DHRS7C: variants seen among roughly 807,000 people sequenced by gnomAD.
DHRS7C encodes dehydrogenase/reductase SDR family member 7C.
Under a neutral mutation model 29.6 loss-of-function variants are expected in DHRS7C, and 28 were observed. That is an observed-to-expected ratio of 0.95 (90% CI 0.70 to 1.30). The LOEUF (loss-of-function observed/expected upper bound fraction) is 1.30, where lower values mean the gene tolerates loss of function less well. DHRS7C is among the 50% of genes most tolerant of loss of function. The pLI is 0.00. For missense variants in DHRS7C, 403 were observed against 393.3 expected, an observed-to-expected ratio of 1.02 and a Z score of -0.21; for synonymous variants, 158 against 160.2, an observed-to-expected ratio of 0.99 and a Z score of 0.10.
intron 5 of DHRS7C, 98 bp from the exon 6 acceptor site, chr17:9,771,794 G>T: frequency 8.3e-7 from 1 of 1,206,242 alleles, no homozygotes; most frequent in Non-Finnish European, 1.1e-6. Context: ...CGGGAAGCGT[G>T]GGCTGTCCCC....
intron 1 of DHRS7C, among the ~76,000 whole-genome samples, chr17:9,783,404 G>T (rs571993385): frequency 2.6e-5 from 4 of 152,234 alleles, no homozygotes; most frequent in African/African-American, 9.6e-5. Flanking sequence ...CAGTAAATCA[G>T]GATCCCAACG....
intron 1 of DHRS7C, 143 bp from the exon 2 acceptor site, chr17:9,781,737 T>C: frequency 1.4e-6 from 1 of 704,826 alleles, no homozygotes; most frequent in Non-Finnish European, 2.3e-6. Context: ...TTCATTGAAC[T>C]CCCTCCCCGG....
intron 1 of DHRS7C, among the ~76,000 whole-genome samples, chr17:9,786,181 G>T (rs1056183604): frequency 4.0e-5 from 6 of 151,848 alleles, no homozygotes; most frequent in Non-Finnish European, 8.8e-5. Flanking sequence ...AAAAATATTA[G>T]CCGGGCATGG....
chr17:9,783,936 G>GT (rs11409360), intron 1 of DHRS7C, among the ~76,000 whole-genome samples: 42,068 of 145,658 alleles, frequency 0.29, 7,679 homozygotes, highest in Middle Eastern at 0.49. Flanking sequence ...GTGAGACTCT[G>GT]TTTTTTTTTT....
intron 1 of DHRS7C, among the ~76,000 whole-genome samples, chr17:9,788,214 AT>A (rs1209749692): frequency 6.6e-6 from 1 of 151,834 alleles, no homozygotes; most frequent in African/African-American, 2.4e-5. Flanking sequence ...AAATAAATAA[AT>A]TAATTTTTTG....
intron 1 of DHRS7C, among the ~76,000 whole-genome samples, chr17:9,787,613 A>G (rs1030268377): frequency 6.6e-6 from 1 of 152,218 alleles, no homozygotes; most frequent in African/African-American, 2.4e-5. Flanking sequence ...TTCAATAAGC[A>G]TAAATTGAGC....
intron 5 of DHRS7C, 143 bp from the exon 6 acceptor site, chr17:9,771,839 C>T (rs1295044981): frequency 2.6e-6 from 2 of 778,320 alleles, no homozygotes; most frequent in East Asian, 3.3e-5. Flanking sequence ...CCGCCACCCG[C>T]GGACCGCGGC....
chr17:9,783,764 G>A (rs1022693472), intron 1 of DHRS7C, among the ~76,000 whole-genome samples: 12 of 151,984 alleles, frequency 7.9e-5, no homozygotes, highest in African/African-American at 2.7e-4. Flanking sequence ...TCAGGAGTTG[G>A]AGACCAGCCT....
At chr17:9,783,241 A>C (rs903871990) in intron 1 of DHRS7C, among the ~76,000 whole-genome samples, 3 of 152,312 alleles carry the variant, frequency 2.0e-5, no homozygotes, top group Admixed American at 2.0e-4. Context: ...TCCAGAAGTA[A>C]CTGGGTTAAC....
rs774255168 is a variant in DHRS7C, at chr17:9,771,631, C to T, written c.793G>A (p.Val265Met). The stretch of plus-strand genomic sequence containing the variant: ...AACACCTCTTGCTTCTTCCTCCGCA[C>T]GGTGCGCATCACCTCCTCCGCCACC... ...VEVAEEVMRT[V>M]RRKKQEVFMA... Residue 265 changes from valine (V) to methionine (M), a missense_variant, in exon 6 of 6, where the codon GTG becomes ATG. Physicochemically the swap from Val to Met is conservative, Grantham distance 21. Coordinates refer to ENST00000571134, the MANE Select transcript of DHRS7C (RefSeq NM_001105571.3). 1.3e-6 allele frequency: 2 copies of T among 1,595,028 alleles called. No homozygotes were observed. Among genetic ancestry groups the T allele is most frequent in the Non-Finnish European group, 1.7e-6 (2 of 1,169,358 alleles).
chr17:9,789,306 C>T lies in DHRS7C; in HGVS notation c.154+1825G>A, dbSNP rs11650364. 1.1e-4 allele frequency among the ~76,000 whole-genome samples: 16 copies of T among 152,204 alleles called. No individual in the cohort carries two copies. The South Asian group carries it at 2.3e-3, about 22-fold the overall frequency. On this transcript the variant is annotated intron_variant, in intron 1 of 5. Coordinates refer to ENST00000571134, the MANE Select transcript of DHRS7C (RefSeq NM_001105571.3). ...TTAAAAGAATCGAAATCATACAGAG[C>T]GTATTCTCCAACCATGTTGGAATCA...
At chr17:9,776,835 A>G (rs1440471613) in intron 4 of DHRS7C, among the ~76,000 whole-genome samples, 1 of 151,938 alleles carries the variant, frequency 6.6e-6, no homozygotes, top group Non-Finnish European at 1.5e-5. Flanking sequence ...CTTGACTTTC[A>G]AGGGCATCTT....
At chr17:9,787,659 C>T (rs986828753) in intron 1 of DHRS7C, among the ~76,000 whole-genome samples, 1 of 152,086 alleles carries the variant, frequency 6.6e-6, no homozygotes, top group African/African-American at 2.4e-5. Context: ...CAGATGCCAT[C>T]GATGATGAGC....
At chr17:9,779,000 C>T (rs182923593) in intron 3 of DHRS7C, among the ~76,000 whole-genome samples, 22 of 152,004 alleles carry the variant, frequency 1.4e-4, no homozygotes, top group Middle Eastern at 3.4e-3. Flanking sequence ...ACATCAGCCT[C>T]CCAGGTTCAG....
intron 4 of DHRS7C, 58 bp from the exon 5 acceptor site, chr17:9,772,980 G>A (rs2066340507): frequency 1.0e-5 from 16 of 1,591,198 alleles, no homozygotes; most frequent in Non-Finnish European, 1.4e-5. Context: ...GCTTCCTGGT[G>A]GGCGCATTGG....
Position 9,781,512 on chromosome 17 carries a change from A to C in DHRS7C, c.237T>G (p.Asp79Glu). ...TGGGGTCAGCCACGCTGATCAAGGC[A>C]TCATATAGGTTCTCTAGCCTCTCCC... ...KNWERLENLY[D>E]ALISVADPSK... Residue 79 changes from aspartate to glutamate, a missense_variant, in exon 2 of 6, where the codon GAT becomes GAG. Asp to Glu is a conservative substitution (Grantham distance 45, BLOSUM62 2). Coordinates refer to ENST00000571134, the MANE Select transcript of DHRS7C (RefSeq NM_001105571.3). 1 of 1,614,032 alleles carries C rather than the reference A, an allele frequency of 6.2e-7. No individual in the cohort carries two copies. The highest frequency in any genetic ancestry group is 8.5e-7 in the Non-Finnish European group (1 of 1,179,894).
intron 1 of DHRS7C, among the ~76,000 whole-genome samples, chr17:9,787,991 C>A (rs148222564): frequency 1.3e-5 from 2 of 152,096 alleles, no homozygotes; most frequent in East Asian, 2.0e-4. Context: ...GGATTACAGG[C>A]GTGAGCCACA....
At chr17:9,772,150 T>C (rs992856086) in intron 5 of DHRS7C, among the ~76,000 whole-genome samples, 6 of 152,252 alleles carry the variant, frequency 3.9e-5, no homozygotes, top group Admixed American at 3.3e-4. Flanking sequence ...GCTTAGAGCA[T>C]CCTAGAGCAG....
At chr17:9,776,449 A>G (rs1371940200) in intron 4 of DHRS7C, among the ~76,000 whole-genome samples, 1 of 152,142 alleles carries the variant, frequency 6.6e-6, no homozygotes, top group African/African-American at 2.4e-5. Context: ...AGCCTGAGCA[A>G]ATTCATATAG....
Sources: gnomAD v4.1 joint callset for allele counts (sites outside exome capture counted in the v4.1 genomes callset) on GRCh38, gnomAD v4.1.1 for gene constraint, MANE v1.5 for transcripts, NCBI Gene and HGNC (gene_info 2026-07-23, HGNC 2026-07-21) for gene names.